Variants in TSHZ2 observed in about 807,000 individuals in gnomAD.
TSHZ2 encodes teashirt zinc finger homeobox 2, also known as teashirt homolog 2.
A neutral mutation model predicts 74.4 loss-of-function variants in TSHZ2; 21 were observed. The ratio of observed to expected loss-of-function variants is 0.28; its 90% CI spans 0.20 to 0.41. TSHZ2 has a LOEUF of 0.41. Ranked by LOEUF, TSHZ2 falls within the 10% of genes least tolerant of loss-of-function variation. TSHZ2 has a pLI of 1.00. For synonymous variants in TSHZ2, 540 were observed against 515.3 expected (o/e 1.05, Z -0.65); for missense variants, 1,244 against 1,293.5 (o/e 0.96, Z 0.59).
At chr20:53,431,836 A>T (rs1405648144) in intron 2 of TSHZ2, among the ~76,000 whole-genome samples, 1 of 152,210 alleles carries the variant, frequency 6.6e-6, no homozygotes, top group Non-Finnish European at 1.5e-5. Flanking sequence ...TGGCCCAGAA[A>T]ATACACATAA....
chr20:53,277,321 C>T (rs1255904198), intron 2 of TSHZ2, among the ~76,000 whole-genome samples: 1 of 152,178 alleles, frequency 6.6e-6, no homozygotes, highest in East Asian at 1.9e-4. Context: ...TTATAATTCA[C>T]TGCAAAGCAA....
intron 2 of TSHZ2, among the ~76,000 whole-genome samples, chr20:53,411,034 G>A (rs545417357): frequency 6.6e-6 from 1 of 152,198 alleles, no homozygotes; most frequent in Admixed American, 6.5e-5. Context: ...CCTGGATCCT[G>A]CTCCTTCAAG....
chr20:53,247,550 A>G (rs1179222251), intron 1 of TSHZ2, among the ~76,000 whole-genome samples: 11 of 152,204 alleles, frequency 7.2e-5, no homozygotes, highest in African/African-American at 2.4e-4. Context: ...TAACATACAT[A>G]CTAACAGACT....
At position 52,973,183 on chromosome 20, in the gene TSHZ2, G is replaced by C. The variant is rs760446045; in HGVS notation, c.-111G>C. On this transcript the variant is annotated 5_prime_UTR_variant, in exon 1 of 3. Transcript: ENST00000371497. ...GGGACAGAGGCCGAGTGACGTCCTA[G>C]GAGCCACCGGGCAAGAGGCGGAGGA... 7.9e-5 allele frequency: 113 copies of C among 1,429,280 alleles called. No individual in the cohort carries two copies. The highest frequency in any genetic ancestry group is 1.0e-4 in the Non-Finnish European group (108 of 1,042,686). 88.5% of individuals were successfully genotyped at this position (1,429,280 alleles called of 1,614,324 possible).
chr20:53,472,284 A>C (rs1444195750), intron 2 of TSHZ2, among the ~76,000 whole-genome samples: 2 of 152,212 alleles, frequency 1.3e-5, no homozygotes, highest in Non-Finnish European at 2.9e-5. Context: ...TTGTGTGCAC[A>C]ATTGCAGGTG....
intron 2 of TSHZ2, among the ~76,000 whole-genome samples, chr20:53,384,438 T>C (rs1001810464): frequency 1.3e-5 from 2 of 152,186 alleles, no homozygotes; most frequent in African/African-American, 2.4e-5. Context: ...CATTTAATTG[T>C]TTGGTGGGGA....
chr20:53,075,984 C>A (rs1300446161), intron 1 of TSHZ2, among the ~76,000 whole-genome samples: 1 of 152,214 alleles, frequency 6.6e-6, no homozygotes, highest in Non-Finnish European at 1.5e-5. Context: ...CTTGACCTCG[C>A]TTTCCTCACT....
At chr20:53,420,499 G>C (rs890864410) in intron 2 of TSHZ2, among the ~76,000 whole-genome samples, 1 of 152,162 alleles carries the variant, frequency 6.6e-6, no homozygotes, top group Non-Finnish European at 1.5e-5. Context: ...GGCCAAAGCG[G>C]GCAGATCACG....
At chr20:53,115,462 C>G (rs1375345780) in intron 1 of TSHZ2, among the ~76,000 whole-genome samples, 3 of 152,176 alleles carry the variant, frequency 2.0e-5, no homozygotes, top group Non-Finnish European at 4.4e-5. Flanking sequence ...GTAAGACATG[C>G]CTTTGCTTCT....
chr20:53,242,765 G>C (rs1990102929), intron 1 of TSHZ2, among the ~76,000 whole-genome samples: 1 of 152,194 alleles, frequency 6.6e-6, no homozygotes, highest in Non-Finnish European at 1.5e-5. Flanking sequence ...GTTTTGAACA[G>C]AATCTAAGTG....
intron 2 of TSHZ2, among the ~76,000 whole-genome samples, chr20:53,323,656 A>C (rs914491258): frequency 7.7e-6 from 1 of 129,192 alleles, no homozygotes; most frequent in African/African-American, 3.0e-5. Context: ...GGTCACTGCA[A>C]CCTCCGACTC....
intron 1 of TSHZ2, among the ~76,000 whole-genome samples, chr20:53,127,199 A>G (rs1986971185): frequency 6.6e-6 from 1 of 152,230 alleles, no homozygotes; most frequent in Non-Finnish European, 1.5e-5. Context: ...ATAAATATGT[A>G]TTGAGTGCCC....
intron 1 of TSHZ2, among the ~76,000 whole-genome samples, chr20:52,981,011 T>C (rs1981546009): frequency 6.6e-6 from 1 of 152,228 alleles, no homozygotes; most frequent in African/African-American, 2.4e-5. Flanking sequence ...CTATTCTATG[T>C]GCACGGTGCC....
intron 1 of TSHZ2, among the ~76,000 whole-genome samples, chr20:53,242,928 C>A (rs1483545331): frequency 2.0e-5 from 3 of 152,128 alleles, no homozygotes; most frequent in Non-Finnish European, 4.4e-5. Flanking sequence ...ATTTGACCTG[C>A]CCTCTGGGAG....
chr20:53,243,672 A>G (rs978816093), intron 1 of TSHZ2, among the ~76,000 whole-genome samples: 5 of 152,182 alleles, frequency 3.3e-5, no homozygotes, highest in Non-Finnish European at 1.5e-5. Context: ...AATTGGCCCA[A>G]TGACATGAAA....
intron 1 of TSHZ2, among the ~76,000 whole-genome samples, chr20:53,038,331 C>T (rs1983903379): frequency 6.7e-6 from 1 of 149,852 alleles, no homozygotes; most frequent in African/African-American, 2.4e-5. Flanking sequence ...GTTTGAGAAG[C>T]AGAAGCTTAC....
intron 2 of TSHZ2, among the ~76,000 whole-genome samples, chr20:53,427,062 T>C (rs1194220443): frequency 1.3e-5 from 2 of 152,182 alleles, no homozygotes; most frequent in Non-Finnish European, 2.9e-5. Context: ...TCAGCTCCCT[T>C]CATGGGCTGG....
intron 2 of TSHZ2, among the ~76,000 whole-genome samples, chr20:53,411,845 T>TA (rs1452699610): frequency 3.3e-5 from 5 of 151,144 alleles, no homozygotes; most frequent in East Asian, 1.9e-4. Context: ...TAAAATAAAA[T>TA]AAAAAAAAGA....
chr20:53,337,412 GT>G (rs1249255454), intron 2 of TSHZ2, among the ~76,000 whole-genome samples: 1 of 152,146 alleles, frequency 6.6e-6, no homozygotes, highest in African/African-American at 2.4e-5. Flanking sequence ...TTCTAACAAG[GT>G]TTTGCCTTTT....
Sources: gnomAD v4.1 joint callset for allele counts (sites outside exome capture counted in the v4.1 genomes callset) on GRCh38, gnomAD v4.1.1 for gene constraint, MANE v1.5 for transcripts, NCBI Gene and HGNC (gene_info 2026-07-23, HGNC 2026-07-21) for gene names.